Variants in WFS1 observed in about 807,000 individuals in gnomAD.
WFS1 encodes the protein wolframin ER transmembrane glycoprotein.
A neutral mutation model predicts 68.5 loss-of-function variants in WFS1; 90 were observed. The observed-to-expected ratio is 1.31, with a 90% CI of 1.11 to 1.56. The LOEUF is 1.56. Ranked by LOEUF, WFS1 falls within the 40% of genes most tolerant of loss-of-function variation. The pLI is 0.00. For synonymous variants in WFS1, 860 were observed against 540.7 expected, an observed-to-expected ratio of 1.59 and a Z score of -8.19; for missense variants, 1,767 against 1,232.6, an observed-to-expected ratio of 1.43 and a Z score of -6.49.
intron 1 of WFS1, among the ~76,000 whole-genome samples, chr4:6,273,923 C>T (rs1343269733): frequency 1.3e-5 from 2 of 152,344 alleles, no homozygotes; most frequent in Non-Finnish European, 2.9e-5. Context: ...TGCAGTGTGA[C>T]ATACATGGTA....
At chr4:6,277,312 CTGAG>C in intron 1 of WFS1, 135 bp from the exon 2 acceptor site, 1 of 825,840 alleles carries the variant, frequency 1.2e-6, no homozygotes, top group South Asian at 1.6e-5. Context: ...GGGGACTGTA[CTGAG>C]TGTCAGCGAG....
intron 7 of WFS1, among the ~76,000 whole-genome samples, chr4:6,298,370 T>A (rs550479664): frequency 3.9e-5 from 6 of 152,366 alleles, no homozygotes; most frequent in Admixed American, 2.0e-4. Flanking sequence ...TCAAACCCTG[T>A]AGTGCCTGGT....
chr4:6,282,470 G>A (rs1353179530), intron 2 of WFS1, among the ~76,000 whole-genome samples: 1 of 152,258 alleles, frequency 6.6e-6, no homozygotes, highest in East Asian at 1.9e-4. Flanking sequence ...CCCAGGACCA[G>A]TGAGGGAGGG....
chr4:6,271,567 C>T (rs948801260), intron 1 of WFS1, among the ~76,000 whole-genome samples: 5 of 152,204 alleles, frequency 3.3e-5, no homozygotes, highest in African/African-American at 7.2e-5. Flanking sequence ...CCTCCCCTCC[C>T]ACTTCCCTAC....
At chr4:6,272,810 C>A (rs1202311001) in intron 1 of WFS1, among the ~76,000 whole-genome samples, 2 of 152,218 alleles carry the variant, frequency 1.3e-5, no homozygotes, top group Non-Finnish European at 2.9e-5. Context: ...CGGCTAATAT[C>A]TTCTGCTGCT....
chr4:6,287,192 C>T lies in WFS1; in HGVS notation c.315+17C>T, dbSNP rs766977344. On this transcript the variant is annotated intron_variant, in intron 3 of 7. Coordinates refer to ENST00000226760, the MANE Select transcript of WFS1 (RefSeq NM_006005.3). This position sits in a 1 kb window ranked among gnomAD's most constrained non-coding sequence, Gnocchi z 6.4. ...CAGACTGAGGTGAGGACTGCGGTGC[C>T]GGCAGGGACTTCGGGACGCGGCCCC... 4.4e-5 allele frequency: 68 copies of T among 1,552,650 alleles called. No individual in the cohort carries two copies. Among genetic ancestry groups the T allele is most frequent in the African/African-American group, 6.8e-5 (5 of 73,528 alleles).
In WFS1 at chr4:6,302,002, G is replaced by T. The variant is rs71530912; in HGVS notation, c.2207G>T (p.Gly736Val). ...GGCGACTGGATGCGCTGCCTCTACG[G>T]CGAGGCCTACCCTGCCTGCAGCCCT... ...FIGDWMRCLYGEAYPACSPGN... is the reference protein window; with the variant it reads ...FIGDWMRCLYVEAYPACSPGN... Residue 736 changes from glycine (G) to valine (V), a missense_variant, in exon 8 of 8, where the codon GGC becomes GTC. Transcript: ENST00000226760. 1 of 1,612,714 alleles carries T rather than the reference G, an allele frequency of 6.2e-7. No individual in the cohort carries two copies. Among genetic ancestry groups the T allele is most frequent in the East Asian group, 2.2e-5 (1 of 44,878 alleles).
chr4:6,296,081 A>C (rs1396599068), intron 7 of WFS1, among the ~76,000 whole-genome samples: 1 of 152,228 alleles, frequency 6.6e-6, no homozygotes, highest in Non-Finnish European at 1.5e-5. Context: ...AGGAACTGCC[A>C]TCATTGTATT....
At chr4:6,290,497 C>T (rs954876290) in intron 4 of WFS1, among the ~76,000 whole-genome samples, 2 of 152,264 alleles carry the variant, frequency 1.3e-5, no homozygotes, top group Non-Finnish European at 2.9e-5. Context: ...GTTCCCCCAG[C>T]TGCACACACC....
intron 6 of WFS1, chr4:6,294,665 G>A: frequency 3.0e-6 from 1 of 337,942 alleles, no homozygotes; most frequent in Non-Finnish European, 5.8e-6. Context: ...GCCCCACGCT[G>A]GCTGAAGAGG....
rs1271371645 is a variant in WFS1 at position 6,293,394 on chromosome 4, C to G, written c.712+1397C>G. ...TCAGAACGTTCCCATCAGGCATCAT[C>G]TGTTTCTCTGCCAGCTTTTCCAACA... On this transcript the variant is annotated intron_variant, in intron 6 of 7. Transcript: ENST00000226760. Among the ~76,000 whole-genome samples the G allele has an allele frequency of 2.6e-5, 4 of 152,182 alleles. No individual in the cohort carries two copies. In the East Asian group the frequency reaches 7.7e-4, roughly 29 times the overall value.
In WFS1 at chr4:6,300,770, C is replaced by G. The variant is rs141177727; in HGVS notation, c.975C>G (p.Asn325Lys). Reference sequence around the variant, plus strand: ...CCATCATCCCCACGCACCACATCAACGCGCTCATCTTCTTCTTCATCGTCA... The same window carrying G: ...CCATCATCCCCACGCACCACATCAAGGCGCTCATCTTCTTCTTCATCGTCA... ...LSTIIPTHHINALIFFFIVSN... is the reference protein window; with the variant it reads ...LSTIIPTHHIKALIFFFIVSN... The change falls in exon 8 of 8, where the codon AAC (asparagine) becomes AAG (lysine). Residue 325 changes from asparagine (N) to lysine (K), a missense_variant. Physicochemically the swap from Asn to Lys is moderately conservative, Grantham distance 94 (BLOSUM62 0). Coordinates refer to ENST00000226760, the MANE Select transcript of WFS1 (RefSeq NM_006005.3). 3 of 1,614,080 alleles carry G rather than the reference C, an allele frequency of 1.9e-6. No homozygotes were observed. The highest frequency in any genetic ancestry group is 2.2e-5 in the East Asian group (1 of 44,872).
chr4:6,295,325 T>C (rs1306033457), intron 7 of WFS1, 136 bp downstream of exon 7: 2 of 1,033,462 alleles, frequency 1.9e-6, no homozygotes, highest in African/African-American at 3.2e-5. Context: ...GTGCCGCTGG[T>C]ACCTTTGGGT....
chr4:6,302,391 G>A lies in WFS1; in HGVS notation c.2596G>A (p.Asp866Asn), dbSNP rs3821945. ...PTRRHVKIEH[D>N]WRSTVHGAVK... ...CAGGCGGCACGTGAAGATCGAGCAC[G>A]ACTGGCGCAGCACCGTGCATGGCGC... The change falls in exon 8 of 8, where the codon GAC becomes AAC. Residue 866 changes from aspartate (D) to asparagine (N), a missense_variant. Asp to Asn is a conservative substitution (Grantham distance 23). Coordinates refer to ENST00000226760, the MANE Select transcript of WFS1 (RefSeq NM_006005.3). 1,362 of 1,613,118 alleles carry A rather than the reference G, an allele frequency of 8.4e-4. 13 individuals are homozygous for A. The East Asian group carries it at 0.018, about 21-fold the overall frequency.
Position 6,273,298 on chromosome 4 carries a change from C to T in WFS1, c.-6+3284C>T, listed in dbSNP as rs527330343. Among the ~76,000 whole-genome samples, 6 of 152,316 alleles carry T rather than the reference C, an allele frequency of 3.9e-5. No homozygotes were observed. The East Asian group carries it at 5.8e-4, about 15-fold the overall frequency. On this transcript the variant is annotated intron_variant, in intron 1 of 7. Transcript: ENST00000226760. ...CTTGGTGCCGGTGTTTGTGTTTGGA[C>T]GGGATAAAAATATGCCTCATTGCTC...
Position 6,301,473 on chromosome 4 carries a change from T to G in WFS1, c.1678T>G (p.Ser560Ala), listed in dbSNP as rs1223892105. 2 of 1,612,998 alleles carry G rather than the reference T, an allele frequency of 1.2e-6. No individual in the cohort carries two copies. Among genetic ancestry groups the G allele is most frequent in the Admixed American group, 1.7e-5 (1 of 60,030 alleles). Residue 560 changes from serine to alanine, a missense_variant, in exon 8 of 8, where the codon TCC becomes GCC. Transcript: ENST00000226760. ...CACCGGCCTGGGGCTGCTCCGCGCC[T>G]CCATCGGCTACTTCCTCTTCCTCTT... is the stretch of plus-strand genomic sequence containing the variant. Reference protein sequence around the residue: ...ESTGLGLLRASIGYFLFLFAL... With the variant: ...ESTGLGLLRAAIGYFLFLFAL...
intron 5 of WFS1, among the ~76,000 whole-genome samples, chr4:6,291,707 C>T (rs192138638): frequency 6.6e-6 from 1 of 152,318 alleles, no homozygotes; most frequent in East Asian, 1.9e-4. Flanking sequence ...CAAGTGGGAG[C>T]ACGCTACGTG....
intron 2 of WFS1, among the ~76,000 whole-genome samples, chr4:6,282,903 C>T (rs1730206849): frequency 6.6e-6 from 1 of 152,212 alleles, no homozygotes; most frequent in African/African-American, 2.4e-5. Context: ...AGCTGCAGGC[C>T]CTATTTGCAG....
chr4:6,276,264 C>T (rs1462488052), intron 1 of WFS1, among the ~76,000 whole-genome samples: 10 of 152,314 alleles, frequency 6.6e-5, no homozygotes, highest in East Asian at 1.9e-4. Context: ...GTCCGGGGCT[C>T]GGGATCCTGC....
Sources: gnomAD v4.1 joint callset for allele counts (sites outside exome capture counted in the v4.1 genomes callset) on GRCh38, gnomAD v4.1.1 for gene constraint, Gnocchi (gnomAD v3.1) non-coding constraint, MANE v1.5 for transcripts, NCBI Gene and HGNC (gene_info 2026-07-23, HGNC 2026-07-21) for gene names.